Variants in SEMA6D observed in about 807,000 individuals in gnomAD.
SEMA6D encodes semaphorin-6D.
In SEMA6D, 35 loss-of-function variants were observed where a neutral mutation model predicts 106.6. The observed-to-expected ratio is 0.33, with a 90% CI of 0.25 to 0.44. The LOEUF (loss-of-function observed/expected upper bound fraction) is 0.44, where lower values mean the gene tolerates loss of function less well. Among genes scored for constraint, SEMA6D ranks in the 20% least tolerant of loss-of-function variants. The pLI is 1.00. For missense variants in SEMA6D, 1,185 were observed against 1,345.9 expected (o/e 0.88, Z 1.87); for synonymous variants, 499 against 487.7 (o/e 1.02, Z -0.31).
intron 1 of SEMA6D, among the ~76,000 whole-genome samples, chr15:47,324,960 T>C (rs991905336): frequency 6.6e-5 from 10 of 152,106 alleles, no homozygotes; most frequent in African/African-American, 2.4e-4. Context: ...TTCATTAATT[T>C]ATTTAAAACC....
intron 4 of SEMA6D, among the ~76,000 whole-genome samples, chr15:47,693,929 A>G (rs892805172): frequency 1.3e-5 from 2 of 152,144 alleles, no homozygotes; most frequent in African/African-American, 4.8e-5. Flanking sequence ...GCAACAGAGC[A>G]AGATCCTTAC....
intron 2 of SEMA6D, among the ~76,000 whole-genome samples, chr15:47,440,865 A>AT: frequency 6.6e-6 from 1 of 152,076 alleles, no homozygotes; most frequent in Non-Finnish European, 1.5e-5. Flanking sequence ...ATTGTGACAC[A>AT]TTTTTATGGA....
chr15:47,344,794 A>AATATCTATGTAGAAAATCTACT (rs1276056880), intron 1 of SEMA6D, among the ~76,000 whole-genome samples: 1 of 152,208 alleles, frequency 6.6e-6, no homozygotes, highest in African/African-American at 2.4e-5. Flanking sequence ...AGACAACATA[A>AATATCTATGTAGAAAATCTACT]ATATCTATGT....
chr15:47,652,323 G>C (rs1186081564), intron 4 of SEMA6D, among the ~76,000 whole-genome samples: 1 of 152,126 alleles, frequency 6.6e-6, no homozygotes, highest in Non-Finnish European at 1.5e-5. Context: ...TGTTTATAGG[G>C]AGCTAGTACC....
chr15:47,196,665 G>A (rs1389168265), intron 1 of SEMA6D, among the ~76,000 whole-genome samples: 5 of 152,172 alleles, frequency 3.3e-5, no homozygotes, highest in African/African-American at 1.2e-4. Flanking sequence ...TGCAGGCAGA[G>A]CTATGTAAAA....
chr15:47,267,768 T>G (rs146479755), intron 1 of SEMA6D, among the ~76,000 whole-genome samples: 2 of 152,306 alleles, frequency 1.3e-5, no homozygotes, highest in African/African-American at 4.8e-5. Flanking sequence ...TCCATTCAAA[T>G]TCTTATTAAG....
At chr15:47,503,823 C>A (rs917606856) in intron 3 of SEMA6D, among the ~76,000 whole-genome samples, 18 of 152,142 alleles carry the variant, frequency 1.2e-4, no homozygotes. Context: ...CGGAAGTGAA[C>A]CAAACATCAT....
At chr15:47,521,934 G>A (rs530874183) in intron 3 of SEMA6D, among the ~76,000 whole-genome samples, 2 of 151,410 alleles carry the variant, frequency 1.3e-5, no homozygotes, top group East Asian at 2.0e-4. Flanking sequence ...GCAGTGAGCC[G>A]AGATGGCGCC....
intron 1 of SEMA6D, among the ~76,000 whole-genome samples, chr15:47,315,005 A>G (rs959109778): frequency 6.6e-6 from 1 of 150,760 alleles, no homozygotes; most frequent in Non-Finnish European, 1.5e-5. Flanking sequence ...AGCTGGGACT[A>G]CAGGCGCCCG....
intron 1 of SEMA6D, among the ~76,000 whole-genome samples, chr15:47,277,427 G>T (rs1566968048): frequency 6.6e-6 from 1 of 151,828 alleles, no homozygotes; most frequent in Non-Finnish European, 1.5e-5. Context: ...AGCCACCCTG[G>T]CCTTTAGCAA....
chr15:47,281,373 T>A lies in SEMA6D; in HGVS notation c.-239+96955T>A, dbSNP rs200480150. ...AACCCCTGCCTTTTTTTGTTTTCCA[T>A]TTGCTTGGTAGATCTTCCTCCATCC... is the stretch of plus-strand genomic sequence containing the variant. On this transcript the variant is annotated intron_variant, in intron 1 of 19. Transcript: ENST00000558014. 0.049 allele frequency among the ~76,000 whole-genome samples: 6,854 copies of A among 140,200 alleles called. 865 individuals carry two copies. The East Asian group carries it at 0.57, about 12-fold the overall frequency. The allele number at this position is 140,200 out of a possible 152,430, so 92.0% of individuals were successfully genotyped here.
Position 47,763,852 on chromosome 15 carries a change from T to C in SEMA6D, c.750T>C (p.Ala250=), listed in dbSNP as rs1352028143. 5 of 1,612,602 alleles carry C rather than the reference T, an allele frequency of 3.1e-6. No homozygotes were observed. The African/African-American group carries it at 6.7e-5, about 22-fold the overall frequency. The change falls in exon 10 of 19, where the codon GCT becomes GCC. Residue 250 remains alanine, a splice_region_variant and synonymous_variant. Coordinates refer to ENST00000536845, the MANE Select transcript of SEMA6D (RefSeq NM_001358351.3). ...CTTTGCTTCTATCCGTTGGGCAGGC[T>C]GTGTATTCCCGCGTGGCCCGCATAT... ...IAVEHNNLGK[A]VYSRVARICK...
intron 1 of SEMA6D, among the ~76,000 whole-genome samples, chr15:47,270,924 A>C (rs538285546): frequency 6.6e-6 from 1 of 152,110 alleles, no homozygotes; most frequent in South Asian, 2.1e-4. Context: ...GAACCCGGGC[A>C]ACAGAGCAAG....
chr15:47,227,569 T>TGTCTCTCTCTCTCTCTCTCACA (rs1555407284), intron 1 of SEMA6D, among the ~76,000 whole-genome samples: 2 of 127,900 alleles, frequency 1.6e-5, no homozygotes, highest in Non-Finnish European at 3.2e-5. Flanking sequence ...TCTCTCTCTC[T>TGTCTCTCTCTCTCTCTCTCACA]CACACACACA....
In SEMA6D at chr15:47,770,654, C is replaced by T. The variant is rs2082581155; in HGVS notation, c.2091C>T (p.Ile697=). 2 of 1,613,922 alleles carry T rather than the reference C, an allele frequency of 1.2e-6. No homozygotes were observed. The highest frequency in any genetic ancestry group is 1.7e-5 in the Admixed American group (1 of 59,978). The part of the protein sequence containing the change: ...RDMFVRKNRK[I]HKDAESAQSC... ...TGTTTGTTCGGAAAAACAGAAAGAT[C>T]CATAAAGATGCAGAGTCCGCCCAGT... The change falls in exon 19 of 19, where the codon ATC becomes ATT. Residue 697 remains isoleucine (I), a synonymous_variant. Transcript: ENST00000536845.
intron 3 of SEMA6D, among the ~76,000 whole-genome samples, chr15:47,478,804 T>A (rs8025847): frequency 0.094 from 14,255 of 152,058 alleles, 2,142 homozygotes; most frequent in African/African-American, 0.32. Flanking sequence ...GAAAAAAAGG[T>A]TTAATGGACT....
intron 2 of SEMA6D, among the ~76,000 whole-genome samples, chr15:47,437,092 T>A (rs72733827): frequency 0.067 from 10,113 of 150,468 alleles, 484 homozygotes; most frequent in Non-Finnish European, 0.093. Flanking sequence ...GAGAGGATGG[T>A]TTGGTTGTCT....
At chr15:47,454,978 A>T (rs1464630562) in intron 2 of SEMA6D, among the ~76,000 whole-genome samples, 1 of 151,920 alleles carries the variant, frequency 6.6e-6, no homozygotes, top group Non-Finnish European at 1.5e-5. Flanking sequence ...TAGAAGGGTT[A>T]ATAATACCTA....
At chr15:47,552,905 T>TATATATAA (rs1483274186) in intron 3 of SEMA6D, among the ~76,000 whole-genome samples, 2 of 94,838 alleles carry the variant, frequency 2.1e-5, no homozygotes, top group Non-Finnish European at 4.0e-5. Flanking sequence ...TATATATATA[T>TATATATAA]AAATATATAT....
Sources: gnomAD v4.1 joint callset for allele counts (sites outside exome capture counted in the v4.1 genomes callset) on GRCh38, gnomAD v4.1.1 for gene constraint, MANE v1.5 for transcripts, NCBI Gene and HGNC (gene_info 2026-07-23, HGNC 2026-07-21) for gene names.